LCLAT1: variants seen among roughly 807,000 people sequenced by gnomAD.
LCLAT1 encodes the protein lysocardiolipin acyltransferase 1.
LCLAT1 carries 11 observed loss-of-function variants against 30.7 expected under a neutral mutation model. The observed-to-expected ratio is 0.36, with a 90% CI of 0.23 to 0.59. The LOEUF (loss-of-function observed/expected upper bound fraction) is 0.59, where lower values mean the gene tolerates loss of function less well. Among genes scored for constraint, LCLAT1 ranks in the 20% least tolerant of loss-of-function variants. LCLAT1 has a pLI of 0.77. For synonymous variants in LCLAT1, 155 were observed against 151.3 expected (o/e 1.02, Z -0.18); for missense variants, 402 against 458.6 (o/e 0.88, Z 1.13).
intron 4 of LCLAT1, among the ~76,000 whole-genome samples, chr2:30,567,610 AG>A (rs1455636076): frequency 6.6e-6 from 1 of 152,246 alleles, no homozygotes; most frequent in Non-Finnish European, 1.5e-5. Flanking sequence ...AGTAATGCCA[AG>A]TGGACCTCCG....
intron 1 of LCLAT1, among the ~76,000 whole-genome samples, chr2:30,466,405 T>G (rs1682434162): frequency 6.6e-6 from 1 of 152,100 alleles, no homozygotes; most frequent in Non-Finnish European, 1.5e-5. Context: ...TTTCTGTGTG[T>G]TGTTATCTAA....
At chr2:30,538,290 T>G (rs1177435044) in intron 3 of LCLAT1, among the ~76,000 whole-genome samples, 1 of 152,172 alleles carries the variant, frequency 6.6e-6, no homozygotes, top group Non-Finnish European at 1.5e-5. Flanking sequence ...GAATGTTGAT[T>G]TTTTTGGAAA....
chr2:30,506,407 TTTAAAA>T (rs1684663774), intron 1 of LCLAT1, among the ~76,000 whole-genome samples: 1 of 152,104 alleles, frequency 6.6e-6, no homozygotes, highest in Admixed American at 6.6e-5. Context: ...GAGACAGTGT[TTTAAAA>T]TTAATAAGTA....
intron 5 of LCLAT1, among the ~76,000 whole-genome samples, chr2:30,604,265 T>G (rs1667324365): frequency 6.6e-6 from 1 of 152,132 alleles, no homozygotes. Context: ...AGCCTGGAAA[T>G]CTCTTCTATG....
At chr2:30,524,369 A>G (rs1685611395) in intron 1 of LCLAT1, among the ~76,000 whole-genome samples, 1 of 152,220 alleles carries the variant, frequency 6.6e-6, no homozygotes, top group Admixed American at 6.5e-5. Context: ...TAAAGAATTA[A>G]TATTTCTGGA....
At chr2:30,570,414 G>A (rs920645991) in intron 5 of LCLAT1, among the ~76,000 whole-genome samples, 7 of 152,140 alleles carry the variant, frequency 4.6e-5, no homozygotes, top group South Asian at 4.1e-4. Flanking sequence ...AGCAGCTAAC[G>A]TTAACTGAGC....
At chr2:30,520,890 CAGAGA>C (rs1429443116) in intron 1 of LCLAT1, among the ~76,000 whole-genome samples, 6 of 152,076 alleles carry the variant, frequency 3.9e-5, no homozygotes, top group Non-Finnish European at 8.8e-5. Context: ...TTGTGACTGT[CAGAGA>C]TGTGTGAACT....
chr2:30,522,231 T>TGTAA (rs1375932587), intron 1 of LCLAT1, among the ~76,000 whole-genome samples: 1 of 152,220 alleles, frequency 6.6e-6, no homozygotes, highest in East Asian at 1.9e-4. Context: ...TGGGTTTTAT[T>TGTAA]GTAAGTGTAT....
rs991967176 is a variant in LCLAT1 at position 30,643,449 on chromosome 2, TAGAA to T, written c.*2834_*2837del. ...CTTGATAAAAGACTCAAATAAATGT[TAGAA>T]AGAGCCCGTAATTTTAGGACTCCTA... is the stretch of plus-strand genomic sequence containing the variant. On this transcript the variant is annotated 3_prime_UTR_variant, in exon 6 of 6. Coordinates refer to ENST00000379509, the MANE Select transcript of LCLAT1 (RefSeq NM_001002257.3). The T allele has an allele frequency of 1.4e-5, 2 of 146,192 alleles. No homozygotes were observed. Among genetic ancestry groups the T allele is most frequent in the Admixed American group, 6.9e-5 (1 of 14,466 alleles). The allele number at this position is 146,192 out of a possible 1,614,324, so 9.1% of individuals were successfully genotyped here.
intron 1 of LCLAT1, among the ~76,000 whole-genome samples, chr2:30,491,951 A>C (rs1456328154): frequency 6.6e-6 from 1 of 152,188 alleles, no homozygotes; most frequent in African/African-American, 2.4e-5. Context: ...AAAAAGATAA[A>C]ATGTGTGTTT....
At chr2:30,616,653 A>G (rs1668005345) in intron 5 of LCLAT1, among the ~76,000 whole-genome samples, 1 of 152,188 alleles carries the variant, frequency 6.6e-6, no homozygotes, top group Non-Finnish European at 1.5e-5. Flanking sequence ...CCTGAAGGAA[A>G]TTAACGTCCT....
intron 1 of LCLAT1, among the ~76,000 whole-genome samples, chr2:30,448,584 A>G (rs1421993978): frequency 2.6e-5 from 4 of 152,232 alleles, no homozygotes; most frequent in Non-Finnish European, 5.9e-5. Flanking sequence ...AGTGCCAACT[A>G]TGTGTCAGTT....
At chr2:30,535,392 C>T (rs577747017) in intron 3 of LCLAT1, among the ~76,000 whole-genome samples, 2 of 152,210 alleles carry the variant, frequency 1.3e-5, no homozygotes, top group East Asian at 3.9e-4. Flanking sequence ...GCAATTCTGT[C>T]CCTTCTAATG....
intron 3 of LCLAT1, among the ~76,000 whole-genome samples, chr2:30,549,459 A>G (rs1664582284): frequency 6.6e-6 from 1 of 152,222 alleles, no homozygotes; most frequent in Non-Finnish European, 1.5e-5. Flanking sequence ...ATATGCTTTT[A>G]TAATGGTAAC....
chr2:30,640,746 A>C lies in LCLAT1; in HGVS notation c.*127A>C, dbSNP rs1052602905. 1 of 1,199,098 alleles carries C rather than the reference A, an allele frequency of 8.3e-7. No homozygotes were observed. Among genetic ancestry groups the C allele is most frequent in the African/African-American group, 1.5e-5 (1 of 64,902 alleles). 74.3% of individuals were successfully genotyped at this position (1,199,098 alleles called of 1,614,324 possible). ...TTACTGCCATCATTATTTGTTAAAG[A>C]TATTTTGCACTTAATTTTGTGGGAA... On this transcript the variant is annotated 3_prime_UTR_variant, in exon 6 of 6. Transcript: ENST00000379509.
At chr2:30,625,558 GAAAA>G (rs942941616) in intron 5 of LCLAT1, among the ~76,000 whole-genome samples, 5 of 152,136 alleles carry the variant, frequency 3.3e-5, no homozygotes, top group African/African-American at 1.2e-4. Flanking sequence ...TCTCAATGGA[GAAAA>G]GAAAGAAATT....
chr2:30,469,167 A>G (rs1300687232), intron 1 of LCLAT1, among the ~76,000 whole-genome samples: 1 of 151,568 alleles, frequency 6.6e-6, no homozygotes, highest in Non-Finnish European at 1.5e-5. Flanking sequence ...TGACTTGTGA[A>G]TTTTTCTTCC....
At chr2:30,614,015 C>A (rs2148508468) in intron 5 of LCLAT1, among the ~76,000 whole-genome samples, 1 of 4,796 alleles carries the variant, frequency 2.1e-4, no homozygotes, top group South Asian at 2.4e-3. Flanking sequence ...TCAGCACAGA[C>A]CCTTTACGGG....
At chr2:30,569,017 A>G (rs756234956) in intron 5 of LCLAT1, among the ~76,000 whole-genome samples, 1 of 152,138 alleles carries the variant, frequency 6.6e-6, no homozygotes, top group African/African-American at 2.4e-5. Flanking sequence ...TAATTATTTC[A>G]CTCAGTCCAC....
Sources: allele counts gnomAD v4.1 joint callset (sites outside exome capture counted in the v4.1 genomes callset), GRCh38; gene constraint gnomAD v4.1.1; transcripts MANE v1.5; gene names NCBI Gene and HGNC (gene_info 2026-07-23, HGNC 2026-07-21).